BEND7: variants seen among roughly 807,000 people sequenced by gnomAD.
The protein encoded by BEND7 is BEN domain containing 7.
Under a neutral mutation model 50.9 loss-of-function variants are expected in BEND7, and 28 were observed. The observed-to-expected ratio is 0.55, with a 90% confidence interval of 0.41 to 0.75. BEND7 has a LOEUF of 0.75. BEND7 is among the 30% of genes least tolerant of loss of function. The probability of loss-of-function intolerance (pLI) is 0.00; values close to 1 mark genes in which losing one functional copy is unlikely to be tolerated. For synonymous variants in BEND7, 170 were observed against 183.9 expected, an observed-to-expected ratio of 0.92 and a Z score of 0.61; for missense variants, 477 against 491.3, an observed-to-expected ratio of 0.97 and a Z score of 0.28.
chr10:13,500,816 T>C, intron 2 of BEND7: 1 of 985,390 alleles, frequency 1.0e-6, no homozygotes, highest in Non-Finnish European at 1.2e-6. Context: ...CCACTCGAGG[T>C]CACTGGCGGT....
chr10:13,509,362 C>T (rs1368007676), intron 2 of BEND7, among the ~76,000 whole-genome samples: 2 of 152,186 alleles, frequency 1.3e-5, no homozygotes, highest in Non-Finnish European at 2.9e-5. Context: ...GGCCCCAGCA[C>T]TGGGCACCCA....
chr10:13,454,213 C>A (rs1423932222), intron 6 of BEND7, among the ~76,000 whole-genome samples: 1 of 152,088 alleles, frequency 6.6e-6, no homozygotes, highest in Non-Finnish European at 1.5e-5. Flanking sequence ...TGGTTTGGAG[C>A]ATGCTGTTAG....
intron 2 of BEND7, among the ~76,000 whole-genome samples, chr10:13,522,829 T>C (rs2132713886): frequency 6.6e-6 from 1 of 152,294 alleles, no homozygotes; most frequent in Admixed American, 6.5e-5. Context: ...CACTTCCTAC[T>C]TGAGAGACCT....
At chr10:13,510,074 G>A (rs556430447) in intron 2 of BEND7, among the ~76,000 whole-genome samples, 1 of 152,116 alleles carries the variant, frequency 6.6e-6, no homozygotes, top group East Asian at 1.9e-4. Flanking sequence ...TAATATTCAA[G>A]AATAATCAAG....
chr10:13,518,525 T>C (rs546305011), intron 2 of BEND7, among the ~76,000 whole-genome samples: 1 of 152,356 alleles, frequency 6.6e-6, no homozygotes, highest in Non-Finnish European at 1.5e-5. Context: ...GGGCCAGCGC[T>C]ATCTTAAGCA....
intron 5 of BEND7, among the ~76,000 whole-genome samples, chr10:13,489,148 C>T (rs1408131912): frequency 6.6e-6 from 1 of 152,134 alleles, no homozygotes; most frequent in Non-Finnish European, 1.5e-5. Context: ...AGGAGGGAAG[C>T]ACTTGCTATC....
intron 4 of BEND7, among the ~76,000 whole-genome samples, chr10:13,494,647 G>A (rs904767746): frequency 3.9e-5 from 6 of 152,196 alleles, no homozygotes; most frequent in Non-Finnish European, 7.3e-5. Context: ...TAATGATCAC[G>A]ATGGTCTAGG....
chr10:13,478,504 T>C (rs563134554), intron 6 of BEND7, among the ~76,000 whole-genome samples: 6 of 152,302 alleles, frequency 3.9e-5, no homozygotes, highest in Admixed American at 1.3e-4. Flanking sequence ...CAGGTAGAAA[T>C]GTTGACTAGC....
intron 2 of BEND7, among the ~76,000 whole-genome samples, chr10:13,518,164 G>A (rs966195619): frequency 6.6e-6 from 1 of 152,094 alleles, no homozygotes; most frequent in African/African-American, 2.4e-5. Flanking sequence ...AAAAGTAAAA[G>A]ACCACAATAT....
chr10:13,487,907 A>G (rs1208907944), intron 5 of BEND7, among the ~76,000 whole-genome samples: 3 of 151,800 alleles, frequency 2.0e-5, no homozygotes, highest in Non-Finnish European at 4.4e-5. Context: ...AGCCTGGCCA[A>G]CCTGGTGAAA....
intron 6 of BEND7, among the ~76,000 whole-genome samples, chr10:13,470,948 A>G (rs1395013769): frequency 1.3e-5 from 2 of 152,186 alleles, no homozygotes; most frequent in Non-Finnish European, 2.9e-5. Flanking sequence ...CTTTCACCCA[A>G]TGTTTTATTG....
At chr10:13,474,704 G>A (rs1379365690) in intron 6 of BEND7, among the ~76,000 whole-genome samples, 7 of 152,112 alleles carry the variant, frequency 4.6e-5, no homozygotes, top group African/African-American at 7.2e-5. Context: ...GGCTCAGGTC[G>A]ATACCCGTCA....
chr10:13,505,526 AG>A (rs1251754901), intron 2 of BEND7, among the ~76,000 whole-genome samples: 2 of 152,200 alleles, frequency 1.3e-5, no homozygotes, highest in African/African-American at 4.8e-5. Flanking sequence ...TGTGGCCTCC[AG>A]GGGTGTGCTA....
chr10:13,527,848 T>G (rs1264419098), intron 1 of BEND7: 1 of 984,126 alleles, frequency 1.0e-6, no homozygotes, highest in Admixed American at 6.1e-5. Flanking sequence ...GTACACCTGT[T>G]AATTCGTCAG....
chr10:13,518,516 G>C (rs1358370098), intron 2 of BEND7, among the ~76,000 whole-genome samples: 8 of 152,204 alleles, frequency 5.3e-5, no homozygotes, highest in African/African-American at 1.9e-4. Context: ...TTTACAGATG[G>C]GCCAGCGCTA....
At chr10:13,454,029 A>G (rs966979737) in intron 6 of BEND7, among the ~76,000 whole-genome samples, 6 of 152,190 alleles carry the variant, frequency 3.9e-5, no homozygotes, top group African/African-American at 7.2e-5. Context: ...TGGCAGACAC[A>G]TTTCAAGGAG....
intron 7 of BEND7, among the ~76,000 whole-genome samples, chr10:13,449,221 G>C (rs1470004467): frequency 6.6e-6 from 1 of 152,094 alleles, no homozygotes; most frequent in East Asian, 1.9e-4. Flanking sequence ...ATATTTAGAA[G>C]ACATTATTTT....
intron 2 of BEND7, among the ~76,000 whole-genome samples, chr10:13,525,754 T>G (rs1278098206): frequency 6.6e-6 from 1 of 152,252 alleles, no homozygotes; most frequent in Non-Finnish European, 1.5e-5. Flanking sequence ...AGCAGCTTCC[T>G]GGAAATTGAA....
At chr10:13,522,784 G>A (rs1384101517) in intron 2 of BEND7, among the ~76,000 whole-genome samples, 3 of 152,144 alleles carry the variant, frequency 2.0e-5, no homozygotes, top group Admixed American at 1.3e-4. Context: ...AGTGTTCAAA[G>A]CTCAGACAGA....
Sources: gnomAD v4.1 joint callset for allele counts (sites outside exome capture counted in the v4.1 genomes callset) on GRCh38, gnomAD v4.1.1 for gene constraint, MANE v1.5 for transcripts, NCBI Gene and HGNC (gene_info 2026-07-23, HGNC 2026-07-21) for gene names.